C1QTNF7: variants seen among roughly 807,000 people sequenced by gnomAD.
C1QTNF7 encodes complement C1q tumor necrosis factor-related protein 7.
C1QTNF7 carries 15 observed loss-of-function variants against 19.6 expected under a neutral mutation model. The observed-to-expected ratio is 0.76, with a 90% CI of 0.51 to 1.18. The LOEUF is 1.18. C1QTNF7 is among the 50% of genes most tolerant of loss of function. The probability of loss-of-function intolerance (pLI) is 0.00; values close to 1 mark genes in which losing one functional copy is unlikely to be tolerated. For synonymous variants in C1QTNF7, 142 were observed against 137.5 expected (o/e 1.03, Z -0.23); for missense variants, 324 against 359.7 (o/e 0.90, Z 0.80).
At chr4:15,368,412 G>T (rs976742526) in intron 1 of C1QTNF7, among the ~76,000 whole-genome samples, 10 of 151,902 alleles carry the variant, frequency 6.6e-5, no homozygotes, top group Non-Finnish European at 1.0e-4. Context: ...TTTACATTAG[G>T]TATATATCCT....
intron 1 of C1QTNF7, among the ~76,000 whole-genome samples, chr4:15,429,558 T>C (rs892334206): frequency 5.3e-5 from 8 of 152,212 alleles, no homozygotes; most frequent in African/African-American, 1.9e-4. Flanking sequence ...GTAGCATGTG[T>C]CAGTATCTCC....
At chr4:15,428,646 G>A (rs1194174517) in intron 1 of C1QTNF7, among the ~76,000 whole-genome samples, 2 of 152,040 alleles carry the variant, frequency 1.3e-5, no homozygotes, top group Non-Finnish European at 1.5e-5. Flanking sequence ...TGGCAAACAG[G>A]AAAAGCAGTT....
At chr4:15,411,121 G>A (rs1719388153) in intron 1 of C1QTNF7, among the ~76,000 whole-genome samples, 1 of 152,096 alleles carries the variant, frequency 6.6e-6, no homozygotes, top group African/African-American at 2.4e-5. Flanking sequence ...ATTCCAATAA[G>A]AACTTATTAT....
At chr4:15,439,873 A>G (rs1431219916) in intron 2 of C1QTNF7, among the ~76,000 whole-genome samples, 2 of 151,902 alleles carry the variant, frequency 1.3e-5, no homozygotes, top group African/African-American at 4.8e-5. Flanking sequence ...GCTTTTTTAT[A>G]TATATAACAA....
At chr4:15,403,176 T>A (rs1276108529) in intron 1 of C1QTNF7, among the ~76,000 whole-genome samples, 5 of 152,130 alleles carry the variant, frequency 3.3e-5, no homozygotes, top group Non-Finnish European at 7.4e-5. Flanking sequence ...TCGGCTCTGC[T>A]CAGAAGAATG....
intron 1 of C1QTNF7, among the ~76,000 whole-genome samples, chr4:15,389,286 C>T (rs1422270831): frequency 1.3e-5 from 2 of 152,108 alleles, no homozygotes; most frequent in Non-Finnish European, 2.9e-5. Context: ...TGAGAGCCCC[C>T]AGTGGCCTAA....
At chr4:15,388,458 A>T (rs1364953970) in intron 1 of C1QTNF7, among the ~76,000 whole-genome samples, 1 of 152,200 alleles carries the variant, frequency 6.6e-6, no homozygotes. Context: ...TAAGCAGAGT[A>T]AGGACAGAGG....
intron 1 of C1QTNF7, among the ~76,000 whole-genome samples, chr4:15,361,534 T>C (rs1717341700): frequency 1.3e-5 from 2 of 152,128 alleles, no homozygotes; most frequent in African/African-American, 2.4e-5. Flanking sequence ...CATTACCATA[T>C]ATACAGAAGG....
chr4:15,383,295 A>G (rs769350612), intron 1 of C1QTNF7, among the ~76,000 whole-genome samples: 1 of 152,156 alleles, frequency 6.6e-6, no homozygotes, highest in Non-Finnish European at 1.5e-5. Flanking sequence ...TGCTAGGTTC[A>G]GGGCAGAGGG....
chr4:15,352,408 C>T (rs376543820), intron 1 of C1QTNF7, among the ~76,000 whole-genome samples: 4 of 152,274 alleles, frequency 2.6e-5, no homozygotes, highest in African/African-American at 9.6e-5. Context: ...ACGGTCTTTT[C>T]ACTCTGCCAC....
chr4:15,437,829 T>A (rs1031335694), intron 2 of C1QTNF7, among the ~76,000 whole-genome samples: 1 of 152,218 alleles, frequency 6.6e-6, no homozygotes, highest in African/African-American at 2.4e-5. Context: ...AGCATTCCAC[T>A]AGATGCTAGT....
intron 1 of C1QTNF7, among the ~76,000 whole-genome samples, chr4:15,408,237 A>C (rs1480644329): frequency 7.0e-6 from 1 of 142,786 alleles, no homozygotes; most frequent in African/African-American, 2.6e-5. Flanking sequence ...GCGTCACTGC[A>C]CTCCAGCCTG....
chr4:15,359,570 A>T (rs550044607), intron 1 of C1QTNF7, among the ~76,000 whole-genome samples: 184 of 152,234 alleles, frequency 1.2e-3, no homozygotes, highest in African/African-American at 4.2e-3. Context: ...CTTCCAAGGG[A>T]TTGTGATGCC....
chr4:15,383,949 CAG>C (rs1228887873), intron 1 of C1QTNF7, among the ~76,000 whole-genome samples: 1 of 152,160 alleles, frequency 6.6e-6, no homozygotes, highest in East Asian at 1.9e-4. Context: ...TGGAGGCTAT[CAG>C]AGAATGAGAG....
chr4:15,431,548 C>T (rs1712308891), intron 1 of C1QTNF7, among the ~76,000 whole-genome samples: 4 of 152,160 alleles, frequency 2.6e-5, no homozygotes, highest in Admixed American at 2.0e-4. Context: ...CAAATTAAAA[C>T]AACTCAAGTT....
At chr4:15,411,851 C>T (rs539509630) in intron 1 of C1QTNF7, among the ~76,000 whole-genome samples, 1 of 152,242 alleles carries the variant, frequency 6.6e-6, no homozygotes, top group African/African-American at 2.4e-5. Flanking sequence ...CTTGCCTTTT[C>T]TATCTTCTAG....
chr4:15,438,960 A>ATGGT (rs1258624858), intron 2 of C1QTNF7, among the ~76,000 whole-genome samples: 1 of 152,240 alleles, frequency 6.6e-6, no homozygotes, highest in Non-Finnish European at 1.5e-5. Context: ...GAATGAATGA[A>ATGGT]TGGTTGGATG....
At chr4:15,437,567 G>C (rs1712586484) in intron 2 of C1QTNF7, among the ~76,000 whole-genome samples, 1 of 152,158 alleles carries the variant, frequency 6.6e-6, no homozygotes, top group East Asian at 1.9e-4. Flanking sequence ...ATGTGGATAT[G>C]CATTCAGATT....
At chr4:15,375,351 C>T (rs1317693125) in intron 1 of C1QTNF7, among the ~76,000 whole-genome samples, 1 of 152,156 alleles carries the variant, frequency 6.6e-6, no homozygotes, top group African/African-American at 2.4e-5. Context: ...AACGAATGTG[C>T]TTACCACTCC....
Sources: allele counts gnomAD v4.1 joint callset (sites outside exome capture counted in the v4.1 genomes callset), GRCh38; gene constraint gnomAD v4.1.1; transcripts MANE v1.5; gene names NCBI Gene and HGNC (gene_info 2026-07-23, HGNC 2026-07-21).